The following FHL5 variants were observed in gnomAD, a reference collection of about 807,000 sequenced individuals.
The protein encoded by FHL5 is four and a half LIM domains protein 5.
A neutral mutation model predicts 32.0 loss-of-function variants in FHL5; 33 were observed. That is an observed-to-expected ratio of 1.03 (90% CI 0.78 to 1.38). FHL5 has a LOEUF of 1.38. FHL5 is among the 40% of genes most tolerant of loss of function. The pLI is 0.00. For missense variants in FHL5, 336 were observed against 343.9 expected (o/e 0.98, Z 0.18); for synonymous variants, 114 against 113.6 (o/e 1.00, Z -0.02).
chr6:96,616,974 T>A lies in FHL5; in HGVS notation c.*1202T>A, dbSNP rs1771535578. The stretch of plus-strand genomic sequence containing the variant: ...GCCAGTTGTGCCCCCAGTTTCAATC[T>A]CCTGCATAACCAGGAGGTGCACTCC... On this transcript the variant is annotated 3_prime_UTR_variant, in exon 6 of 6. Coordinates refer to ENST00000450218, the MANE Select transcript of FHL5 (RefSeq NM_001322466.2). 6.6e-6 allele frequency among the ~76,000 whole-genome samples: 1 copy of A among 151,306 alleles called. No homozygotes were observed. Among genetic ancestry groups the A allele is most frequent in the Non-Finnish European group, 1.5e-5 (1 of 67,892 alleles).
intron 1 of FHL5, among the ~76,000 whole-genome samples, chr6:96,590,776 A>G (rs1770899788): frequency 6.6e-6 from 1 of 152,084 alleles, no homozygotes; most frequent in South Asian, 2.1e-4. Context: ...TAGTTTGTTA[A>G]GAGTTTTTAA....
At chr6:96,613,708 G>C (rs547484315) in intron 5 of FHL5, among the ~76,000 whole-genome samples, 2 of 152,320 alleles carry the variant, frequency 1.3e-5, no homozygotes, top group African/African-American at 4.8e-5. Context: ...TAAAAGCAGA[G>C]ACTCTAAAGA....
chr6:96,574,010 AT>A (rs1388733309), intron 1 of FHL5, among the ~76,000 whole-genome samples: 1 of 151,778 alleles, frequency 6.6e-6, no homozygotes, highest in Admixed American at 6.6e-5. Context: ...ATTTCAGCAT[AT>A]TTTCTTCTAA....
At chr6:96,564,244 G>A (rs1390631826) in intron 1 of FHL5, among the ~76,000 whole-genome samples, 1 of 152,120 alleles carries the variant, frequency 6.6e-6, no homozygotes, top group East Asian at 1.9e-4. Flanking sequence ...ACCATCATGT[G>A]TAAATACTAG....
At chr6:96,573,997 A>G (rs1770536349) in intron 1 of FHL5, among the ~76,000 whole-genome samples, 2 of 152,112 alleles carry the variant, frequency 1.3e-5, no homozygotes, top group Admixed American at 1.3e-4. Flanking sequence ...TAAGAGCCTT[A>G]ACATTTCAGC....
chr6:96,594,271 A>ATATG (rs1180581672), intron 1 of FHL5, among the ~76,000 whole-genome samples: 13 of 72,936 alleles, frequency 1.8e-4, no homozygotes, highest in South Asian at 8.5e-4. Flanking sequence ...ATATATATAT[A>ATATG]TATGTATGTA....
At chr6:96,612,364 G>GA (rs540379498) in intron 5 of FHL5, among the ~76,000 whole-genome samples, 43 of 149,304 alleles carry the variant, frequency 2.9e-4, no homozygotes, top group East Asian at 5.8e-4. Flanking sequence ...AATTGGGACA[G>GA]AAAAAAAAAG....
rs557438972 is a variant in FHL5 at position 96,584,074 on chromosome 6, T to C, written c.-12-19528T>C. On this transcript the variant is annotated intron_variant, in intron 1 of 5. Coordinates refer to ENST00000450218, the MANE Select transcript of FHL5 (RefSeq NM_001322466.2). Reference sequence around the variant, plus strand: ...TGAGATCATGCTACGCCTCCTGAGATACAGAGATAAAGTAAGCAGCATCCT... The same window carrying C: ...TGAGATCATGCTACGCCTCCTGAGACACAGAGATAAAGTAAGCAGCATCCT... Among the ~76,000 whole-genome samples the C allele has an allele frequency of 1.8e-4, 27 of 152,272 alleles. No homozygotes were observed. The South Asian group carries it at 5.4e-3, about 30-fold the overall frequency.
rs189892002 is a variant in FHL5 at position 96,573,622 on chromosome 6, C to T, written c.-13+10267C>T. Among the ~76,000 whole-genome samples the T allele has an allele frequency of 3.7e-3, 554 of 148,842 alleles. 5 individuals are homozygous for T. Among genetic ancestry groups the T allele is most frequent in the African/African-American group, 0.013 (508 of 40,218 alleles). ...CTGCAAGCTCCACCTCCCGGGTTCA[C>T]GCCATTCTCCTGCCTCAGCCTCCCT... is the stretch of plus-strand genomic sequence containing the variant. On this transcript the variant is annotated intron_variant, in intron 1 of 5. Coordinates refer to ENST00000450218, the MANE Select transcript of FHL5 (RefSeq NM_001322466.2).
chr6:96,611,848 C>T (rs1222015208), intron 5 of FHL5, among the ~76,000 whole-genome samples: 2 of 152,174 alleles, frequency 1.3e-5, no homozygotes, highest in Non-Finnish European at 2.9e-5. Flanking sequence ...ATATGGAGCA[C>T]CATCTGTGTC....
chr6:96,598,835 C>G (rs1318312330), intron 1 of FHL5, among the ~76,000 whole-genome samples: 1 of 152,126 alleles, frequency 6.6e-6, no homozygotes, highest in Non-Finnish European at 1.5e-5. Context: ...ATTTTTATAT[C>G]CTTTACAACT....
intron 1 of FHL5, among the ~76,000 whole-genome samples, chr6:96,602,400 A>T (rs1771167174): frequency 6.8e-6 from 1 of 147,384 alleles, no homozygotes; most frequent in African/African-American, 2.5e-5. Flanking sequence ...GCCTAATTAA[A>T]ACCTGGAAAT....
At chr6:96,612,907 A>G (rs1771442130) in intron 5 of FHL5, among the ~76,000 whole-genome samples, 1 of 152,142 alleles carries the variant, frequency 6.6e-6, no homozygotes, top group Non-Finnish European at 1.5e-5. Context: ...GGGAATTCTG[A>G]TATTGTCACA....
At chr6:96,608,063 C>T (rs1352973824) in intron 4 of FHL5, among the ~76,000 whole-genome samples, 1 of 152,116 alleles carries the variant, frequency 6.6e-6, no homozygotes, top group African/African-American at 2.4e-5. Context: ...GTTTATCTCA[C>T]TGTTTTGAGA....
chr6:96,593,474 T>C (rs1770964071), intron 1 of FHL5, among the ~76,000 whole-genome samples: 1 of 152,134 alleles, frequency 6.6e-6, no homozygotes, highest in Non-Finnish European at 1.5e-5. Context: ...TCCAAGGTTA[T>C]CTTAATATAA....
At chr6:96,614,513 C>A (rs1322228696) in intron 5 of FHL5, among the ~76,000 whole-genome samples, 1 of 152,096 alleles carries the variant, frequency 6.6e-6, no homozygotes, top group Non-Finnish European at 1.5e-5. Flanking sequence ...AGTTCATTAT[C>A]CTATTTAAGA....
rs756085682 is a variant in FHL5, at chr6:96,603,755, A to G, written c.142A>G (p.Ile48Val). 5 of 1,609,580 alleles carry G rather than the reference A, an allele frequency of 3.1e-6. No homozygotes were observed. The highest frequency in any genetic ancestry group is 3.4e-6 in the Non-Finnish European group (4 of 1,178,236). Residue 48 changes from isoleucine to valine, a missense_variant, in exon 2 of 6, where the codon ATT (isoleucine) becomes GTT (valine). Coordinates refer to ENST00000450218, the MANE Select transcript of FHL5 (RefSeq NM_001322466.2). ...SNYCEECKKP[I>V]ESDSKDLCYK... ...CTATTGCGAGGAATGCAAAAAACCA[A>G]TTGAATCTGATTCTAAGGTAAGTCT...
chr6:96,578,790 C>T (rs939882374), intron 1 of FHL5, among the ~76,000 whole-genome samples: 6 of 151,792 alleles, frequency 4.0e-5, no homozygotes, highest in African/African-American at 1.5e-4. Flanking sequence ...TGCAGTGAGC[C>T]GAGATTGTGC....
At chr6:96,596,136 A>C (rs2127969171) in intron 1 of FHL5, among the ~76,000 whole-genome samples, 1 of 152,152 alleles carries the variant, frequency 6.6e-6, no homozygotes, top group Middle Eastern at 3.4e-3. Flanking sequence ...AGTTAGTATA[A>C]GTTCAGGCTG....
Sources: gnomAD v4.1 joint callset for allele counts (sites outside exome capture counted in the v4.1 genomes callset) on GRCh38, gnomAD v4.1.1 for gene constraint, MANE v1.5 for transcripts, NCBI Gene and HGNC (gene_info 2026-07-23, HGNC 2026-07-21) for gene names.